Variants in DPCD observed in about 807,000 individuals in gnomAD.
DPCD encodes the protein protein DPCD.
DPCD carries 20 observed loss-of-function variants against 26.4 expected under a neutral mutation model. The ratio of observed to expected loss-of-function variants is 0.76; its 90% CI spans 0.53 to 1.10. The LOEUF (loss-of-function observed/expected upper bound fraction) is 1.10, where lower values mean the gene tolerates loss of function less well. Among genes scored for constraint, DPCD ranks in the 50% least tolerant of loss-of-function variants. The pLI is 0.00. For synonymous variants in DPCD, 97 were observed against 94.2 expected, an observed-to-expected ratio of 1.03 and a Z score of -0.17; for missense variants, 202 against 253.9, an observed-to-expected ratio of 0.80 and a Z score of 1.39.
rs2063513005 is a variant in DPCD, at chr10:101,588,351, C to G, written c.15C>G (p.Gly5=). 6.3e-7 allele frequency: 1 copy of G among 1,599,258 alleles called. No individual in the cohort carries two copies. The highest frequency in any genetic ancestry group is 8.5e-7 in the Non-Finnish European group (1 of 1,170,874). The change falls in exon 1 of 6, where the codon GGC becomes GGG. Residue 5 remains glycine, a synonymous_variant. Transcript: ENST00000370151. MAVT[G]WLESLRTAQK... The stretch of plus-strand genomic sequence containing the variant: ...GCAGGGGAAAGATGGCGGTGACGGG[C>G]TGGTTGGAGAGTCTGCGGACAGCCC...
Position 101,600,940 on chromosome 10 carries a change from A to C in DPCD, c.270+78A>C. On this transcript the variant is annotated intron_variant, in intron 3 of 5. Coordinates refer to ENST00000370151, the MANE Select transcript of DPCD (RefSeq NM_015448.3). This position sits in a 1 kb window ranked among gnomAD's most constrained non-coding sequence, Gnocchi z 4.7. ...GGGCTGCTGGCTCTTGAGGGCAGGG[A>C]CCATGTCTTGTTCACCTCCTCGCCT... The C allele has an allele frequency of 6.2e-7, 1 of 1,600,386 alleles. No homozygotes were observed. Among genetic ancestry groups the C allele is most frequent in the Non-Finnish European group, 8.5e-7 (1 of 1,175,948 alleles).
intron 4 of DPCD, chr10:101,605,301 C>A (rs2063726515): frequency 1.7e-5 from 26 of 1,514,182 alleles, no homozygotes; most frequent in Non-Finnish European, 2.2e-5. Flanking sequence ...AGGGCCTGGC[C>A]TCTGGTGCCC....
Position 101,608,859 on chromosome 10 carries a change from T to G in DPCD, c.429T>G (p.Pro143=), listed in dbSNP as rs752916349. 6.2e-6 allele frequency: 10 copies of G among 1,613,606 alleles called. No homozygotes were observed. The South Asian group carries it at 1.1e-4, about 18-fold the overall frequency. Residue 143 remains proline (P), a synonymous_variant, in exon 5 of 6, where the codon CCT becomes CCG. Coordinates refer to ENST00000370151, the MANE Select transcript of DPCD (RefSeq NM_015448.3). ...NKKYYKKFSI[P]DLDRHQLPLD... is the part of the protein sequence containing the mutation. The stretch of plus-strand genomic sequence containing the variant: ...GGTACTACAAGAAGTTCTCCATTCC[T>G]GATCTAGATAGACACCAGCTACCTC...
rs1397973978 is a variant in DPCD, at chr10:101,601,219, A to G, written c.287A>G (p.Lys96Arg). 1 of 1,613,766 alleles carries G rather than the reference A, an allele frequency of 6.2e-7. No individual in the cohort carries two copies. The highest frequency in any genetic ancestry group is 1.7e-5 in the Admixed American group (1 of 60,000). The change falls in exon 4 of 6, where the codon AAG becomes AGG. Residue 96 changes from lysine (K) to arginine (R), a missense_variant. Lys to Arg is a conservative substitution (Grantham distance 26, BLOSUM62 2). Around this residue, in one of 3 missense-constraint regions of DPCD, gnomAD observed 118 missense variants for 145.1 expected, o/e 0.81. Coordinates refer to ENST00000370151, the MANE Select transcript of DPCD (RefSeq NM_015448.3). ...ESNANPIFMR[K>R]DTKMSFQWRI... ...CTTCTGCAGCCTATCTTCATGCGCAAGGACACCAAGATGAGTTTCCAGTGG... is the reference window on the plus strand; with the variant it reads ...CTTCTGCAGCCTATCTTCATGCGCAGGGACACCAAGATGAGTTTCCAGTGG...
At chr10:101,605,693 C>A (rs2134780235) in intron 4 of DPCD, among the ~76,000 whole-genome samples, 1 of 152,312 alleles carries the variant, frequency 6.6e-6, no homozygotes, top group East Asian at 1.9e-4. Context: ...CCAGGGGAGA[C>A]AACCTGTTCA....
intron 4 of DPCD, among the ~76,000 whole-genome samples, chr10:101,604,167 A>G (rs2063718177): frequency 6.6e-6 from 1 of 152,218 alleles, no homozygotes; most frequent in Admixed American, 6.5e-5. Flanking sequence ...GTACATTTAA[A>G]ATCTGTTTTC....
At chr10:101,596,835 C>A (rs1168190716) in intron 2 of DPCD, among the ~76,000 whole-genome samples, 1 of 151,786 alleles carries the variant, frequency 6.6e-6, no homozygotes, top group Non-Finnish European at 1.5e-5. Context: ...GGAATAGTTT[C>A]CATTTTTCTA....
rs754638438 is a variant in DPCD, at chr10:101,603,561, C to A, written c.404+2225C>A. ...TCATCTGAGGTCAGGAGTTTGAGAC[C>A]AGCCTGGCCAACATGGCGAAACCCT... On this transcript the variant is annotated intron_variant, in intron 4 of 5. Coordinates refer to ENST00000370151, the MANE Select transcript of DPCD (RefSeq NM_015448.3). The surrounding 1 kb of genome is among the most constrained non-coding windows in gnomAD (Gnocchi z 4.6). 6.6e-6 allele frequency among the ~76,000 whole-genome samples: 1 copy of A among 151,890 alleles called. No homozygotes were observed. Among genetic ancestry groups the A allele is most frequent in the Non-Finnish European group, 1.5e-5 (1 of 68,006 alleles).
chr10:101,594,614 C>G, intron 1 of DPCD, 44 bp from the exon 2 acceptor site: 2 of 1,594,662 alleles, frequency 1.3e-6, no homozygotes, highest in Non-Finnish European at 1.7e-6. Context: ...AGGGACAGGG[C>G]AAGGGGAGAC....
chr10:101,590,303 C>A (rs1252126105), intron 1 of DPCD, among the ~76,000 whole-genome samples: 2 of 151,834 alleles, frequency 1.3e-5, no homozygotes, highest in East Asian at 3.9e-4. Flanking sequence ...TAAAAAGGTC[C>A]CTTTTCTCAA....
intron 4 of DPCD, among the ~76,000 whole-genome samples, chr10:101,606,157 G>T (rs1317430818): frequency 6.6e-6 from 1 of 152,180 alleles, no homozygotes; most frequent in Non-Finnish European, 1.5e-5. Flanking sequence ...GATCAGCAGG[G>T]ATATGGCCTT....
Position 101,604,528 on chromosome 10 carries a change from G to A in DPCD, c.404+3192G>A, listed in dbSNP as rs1055443080. Among the ~76,000 whole-genome samples the A allele has an allele frequency of 4.6e-5, 7 of 152,170 alleles. No homozygotes were observed. In the East Asian group the frequency reaches 1.2e-3, roughly 25 times the overall value. ...TTGATTGCAGTGTATCATGTCCTTG[G>A]CCTCACATATTAGTGAGGGATGAAT... is the stretch of plus-strand genomic sequence containing the variant. On this transcript the variant is annotated intron_variant, in intron 4 of 5. Coordinates refer to ENST00000370151, the MANE Select transcript of DPCD (RefSeq NM_015448.3).
chr10:101,599,301 G>A (rs1397638050), intron 2 of DPCD, among the ~76,000 whole-genome samples: 1 of 152,250 alleles, frequency 6.6e-6, no homozygotes, highest in Non-Finnish European at 1.5e-5. Flanking sequence ...TGCTTCCAGT[G>A]AAGTGAGGTA....
At chr10:101,595,461 A>AAT (rs2063643991) in intron 2 of DPCD, among the ~76,000 whole-genome samples, 4 of 152,176 alleles carry the variant, frequency 2.6e-5, no homozygotes, top group African/African-American at 7.2e-5. Context: ...TCTCTTTATT[A>AAT]AGTTCCATCT....
chr10:101,597,781 G>A (rs768353180), intron 2 of DPCD, among the ~76,000 whole-genome samples: 11 of 152,190 alleles, frequency 7.2e-5, no homozygotes, highest in Non-Finnish European at 7.3e-5. Context: ...CGCAGGAGCC[G>A]TCCTTGAGTT....
intron 2 of DPCD, among the ~76,000 whole-genome samples, chr10:101,599,105 C>G (rs1238232606): frequency 6.6e-6 from 1 of 152,144 alleles, no homozygotes; most frequent in Non-Finnish European, 1.5e-5. Flanking sequence ...GTCAATATGC[C>G]TGAGAAAAAA....
In DPCD at chr10:101,594,641, C is replaced by T; in HGVS notation, c.65-17C>T. ...AGGGGAGACTTTGAGGTAAGGCATT[C>T]TCTGTTTTGTGCATAGGGAGAAGGA... On this transcript the variant is annotated splice_polypyrimidine_tract_variant and intron_variant, in intron 1 of 5. Coordinates refer to ENST00000370151, the MANE Select transcript of DPCD (RefSeq NM_015448.3). The T allele has an allele frequency of 1.2e-6, 2 of 1,613,460 alleles. No individual in the cohort carries two copies. Among genetic ancestry groups the T allele is most frequent in the South Asian group, 2.2e-5 (2 of 91,066 alleles).
Position 101,609,418 on chromosome 10 carries a change from C to A in DPCD, c.559C>A (p.Leu187Ile). Residue 187 changes from leucine to isoleucine, a missense_variant, in exon 6 of 6, where the codon CTA (leucine) becomes ATA (isoleucine). Around this residue, in one of 3 missense-constraint regions of DPCD, gnomAD observed 118 missense variants for 145.1 expected, o/e 0.81. Coordinates refer to ENST00000370151, the MANE Select transcript of DPCD (RefSeq NM_015448.3). ...VVAESELQKE[L>I]KKVKTAHSND... ...GGCCGAGTCTGAGCTACAGAAGGAA[C>A]TAAAGAAGGTGAAGACAGCCCACAG... 6.2e-7 allele frequency: 1 copy of A among 1,614,140 alleles called. No homozygotes were observed. The highest frequency in any genetic ancestry group is 8.5e-7 in the Non-Finnish European group (1 of 1,180,016).
At chr10:101,609,068 T>G (rs2063754270) in intron 5 of DPCD, 131 bp downstream of exon 5, 3 of 804,754 alleles carry the variant, frequency 3.7e-6, no homozygotes, top group African/African-American at 3.4e-5. Flanking sequence ...AGAATAGGCA[T>G]CTCTAATTCA....
Sources: allele counts gnomAD v4.1 joint callset (sites outside exome capture counted in the v4.1 genomes callset), GRCh38; gene constraint gnomAD v4.1.1; regional missense constraint gnomAD v4.1.1; non-coding constraint Gnocchi (gnomAD v3.1); transcripts MANE v1.5; gene names NCBI Gene and HGNC (gene_info 2026-07-23, HGNC 2026-07-21).